The following HCRTR2 variants were observed in gnomAD, a reference collection of about 807,000 sequenced individuals.
HCRTR2 encodes orexin receptor type 2.
HCRTR2 carries 22 observed loss-of-function variants against 49.0 expected under a neutral mutation model. The observed-to-expected ratio is 0.45, with a 90% CI of 0.32 to 0.64. The LOEUF is 0.64. Ranked by LOEUF, HCRTR2 falls within the 30% of genes least tolerant of loss-of-function variation. The pLI, the probability that HCRTR2 is intolerant of heterozygous loss-of-function variation, is 0.04. For synonymous variants in HCRTR2, 236 were observed against 205.3 expected, an observed-to-expected ratio of 1.15 and a Z score of -1.28; for missense variants, 491 against 559.4, an observed-to-expected ratio of 0.88 and a Z score of 1.23.
At chr6:55,121,139 C>T (rs549547851) in intron 1 of HCRTR2, among the ~76,000 whole-genome samples, 93 of 152,212 alleles carry the variant, frequency 6.1e-4, no homozygotes, top group African/African-American at 2.2e-3. Flanking sequence ...TTTGTATCCT[C>T]TTTTATTTCG....
intron 4 of HCRTR2, among the ~76,000 whole-genome samples, chr6:55,265,841 G>A (rs919321858): frequency 6.6e-5 from 10 of 152,212 alleles, no homozygotes; most frequent in Middle Eastern, 3.4e-3. Context: ...TTAAAATGGG[G>A]TTGTATAGCA....
intron 1 of HCRTR2, among the ~76,000 whole-genome samples, chr6:55,225,342 G>C (rs1765982849): frequency 6.6e-6 from 1 of 151,680 alleles, no homozygotes; most frequent in Admixed American, 6.6e-5. Context: ...TATTATTTTA[G>C]CCCTGTCTTT....
intron 1 of HCRTR2, among the ~76,000 whole-genome samples, chr6:55,233,445 G>A (rs1046354222): frequency 5.3e-5 from 8 of 151,862 alleles, no homozygotes; most frequent in Admixed American, 3.3e-4. Context: ...TCATTTGAAC[G>A]TCAAAAATTC....
chr6:55,207,685 A>G (rs1332181457), intron 1 of HCRTR2, among the ~76,000 whole-genome samples: 2 of 152,134 alleles, frequency 1.3e-5, no homozygotes, highest in Non-Finnish European at 2.9e-5. Flanking sequence ...AACACTTCAA[A>G]TGTTTAAGCA....
chr6:55,261,839 G>A lies in HCRTR2; in HGVS notation c.647-1868G>A, dbSNP rs116931502. 1.5e-4 allele frequency among the ~76,000 whole-genome samples: 23 copies of A among 152,268 alleles called. No individual in the cohort carries two copies. In the East Asian group the frequency reaches 3.9e-3, roughly 26 times the overall value. ...AGATACCTGCACATGCATGTTTACA[G>A]CAGCACAATTCGCAAATGGAAAAAT... On this transcript the variant is annotated intron_variant, in intron 3 of 6. Transcript: ENST00000370862.
intron 1 of HCRTR2, among the ~76,000 whole-genome samples, chr6:55,132,250 A>T (rs73432935): frequency 0.037 from 5,584 of 151,990 alleles, 336 homozygotes; most frequent in African/African-American, 0.12. Context: ...GAGGGCAATC[A>T]TTGTGTCTCC....
intron 1 of HCRTR2, among the ~76,000 whole-genome samples, chr6:55,108,493 C>A (rs1764005242): frequency 6.6e-6 from 1 of 151,896 alleles, no homozygotes; most frequent in African/African-American, 2.4e-5. Context: ...TTCATTTCAG[C>A]TCTAGATAAG....
At chr6:55,264,238 A>G (rs1258052354) in intron 4 of HCRTR2, among the ~76,000 whole-genome samples, 1 of 152,070 alleles carries the variant, frequency 6.6e-6, no homozygotes, top group Non-Finnish European at 1.5e-5. Context: ...AATCAGATTT[A>G]TTTAAAACAT....
chr6:55,130,387 T>TA (rs1249610903), intron 1 of HCRTR2, among the ~76,000 whole-genome samples: 2 of 111,634 alleles, frequency 1.8e-5, no homozygotes, highest in Non-Finnish European at 3.5e-5. Context: ...TGTTGTTTTG[T>TA]TTTTTTTTTC....
intron 1 of HCRTR2, among the ~76,000 whole-genome samples, chr6:55,194,494 A>T (rs1387703975): frequency 6.6e-6 from 1 of 152,136 alleles, no homozygotes; most frequent in Non-Finnish European, 1.5e-5. Context: ...TCTACATATA[A>T]TTAAATATGG....
chr6:55,159,131 AC>A (rs1300451166), intron 1 of HCRTR2, among the ~76,000 whole-genome samples: 1 of 152,160 alleles, frequency 6.6e-6, no homozygotes, highest in Non-Finnish European at 1.5e-5. Context: ...TCTTTGCAGT[AC>A]TGTAGCCTCT....
At chr6:55,241,356 C>T (rs1420802545) in intron 1 of HCRTR2, among the ~76,000 whole-genome samples, 2 of 152,050 alleles carry the variant, frequency 1.3e-5, no homozygotes, top group Admixed American at 6.6e-5. Flanking sequence ...GAATTTAATG[C>T]TTAAAACTCA....
At chr6:55,233,524 T>C (rs1393334250) in intron 1 of HCRTR2, among the ~76,000 whole-genome samples, 1 of 152,116 alleles carries the variant, frequency 6.6e-6, no homozygotes, top group East Asian at 1.9e-4. Context: ...ACCCCATCTT[T>C]ACAAAAACAA....
At chr6:55,124,898 A>G (rs1764251431) in intron 1 of HCRTR2, among the ~76,000 whole-genome samples, 1 of 146,866 alleles carries the variant, frequency 6.8e-6, no homozygotes, top group Non-Finnish European at 1.5e-5. Context: ...TTGGTTTACA[A>G]TCTGTTTTAC....
intron 4 of HCRTR2, among the ~76,000 whole-genome samples, chr6:55,267,644 T>A (rs1322647178): frequency 6.6e-6 from 1 of 152,158 alleles, no homozygotes; most frequent in Non-Finnish European, 1.5e-5. Context: ...TGTGAGGTAC[T>A]GAGGATGGAC....
chr6:55,204,340 C>A (rs1263781723), intron 1 of HCRTR2, among the ~76,000 whole-genome samples: 3 of 152,174 alleles, frequency 2.0e-5, no homozygotes, highest in Non-Finnish European at 2.9e-5. Flanking sequence ...TAGTATCTTG[C>A]TGACTAACAT....
At chr6:55,150,842 T>A (rs1209597767) in intron 1 of HCRTR2, among the ~76,000 whole-genome samples, 1 of 151,996 alleles carries the variant, frequency 6.6e-6, no homozygotes, top group Non-Finnish European at 1.5e-5. Context: ...AATTCCTTTG[T>A]CCCTGTACAC....
intron 4 of HCRTR2, among the ~76,000 whole-genome samples, chr6:55,269,530 T>A (rs1242081398): frequency 6.6e-6 from 1 of 152,146 alleles, no homozygotes; most frequent in African/African-American, 2.4e-5. Context: ...GATGAAAGAT[T>A]AATATATATA....
At chr6:55,123,623 G>A (rs537936429) in intron 1 of HCRTR2, among the ~76,000 whole-genome samples, 4 of 152,136 alleles carry the variant, frequency 2.6e-5, no homozygotes, top group East Asian at 3.9e-4. Context: ...TTTGCTATTA[G>A]GGTGATACTC....
Sources: gnomAD v4.1 joint callset for allele counts (sites outside exome capture counted in the v4.1 genomes callset) on GRCh38, gnomAD v4.1.1 for gene constraint, MANE v1.5 for transcripts, NCBI Gene and HGNC (gene_info 2026-07-23, HGNC 2026-07-21) for gene names.